Variants in DBN1 observed in about 807,000 individuals in gnomAD.
DBN1 encodes the protein drebrin.
DBN1 carries 21 observed loss-of-function variants against 83.5 expected under a neutral mutation model. That is an observed-to-expected ratio of 0.25 (90% CI 0.18 to 0.36). DBN1 has a LOEUF of 0.36. DBN1 is among the 10% of genes least tolerant of loss of function. The pLI is 1.00. For missense variants in DBN1, 874 were observed against 935.7 expected (o/e 0.93, Z 0.86); for synonymous variants, 381 against 384.9 (o/e 0.99, Z 0.12).
chr5:177,458,439 G>A lies in DBN1; in HGVS notation c.1533C>T (p.Ala511=). The part of the protein sequence containing the change: ...TDTATADTTV[A]NNVPPAATSL... ...TGGTGGCGGCGGGGGGTACGTTGTT[G>A]GCAACAGTGGTGTCAGCAGTGGCAG... The change falls in exon 13 of 15, where the codon GCC becomes GCT. Residue 511 remains alanine (A), a synonymous_variant. Coordinates refer to ENST00000393565, the MANE Select transcript of DBN1 (RefSeq NM_001363541.2). The A allele has an allele frequency of 6.2e-7, 1 of 1,614,194 alleles. No homozygotes were observed. Among genetic ancestry groups the A allele is most frequent in the Non-Finnish European group, 8.5e-7 (1 of 1,180,022 alleles).
Position 177,459,179 on chromosome 5 carries a change from C to A in DBN1, c.1183G>T (p.Ala395Ser). The A allele has an allele frequency of 6.2e-7, 1 of 1,610,992 alleles. No homozygotes were observed. The highest frequency in any genetic ancestry group is 8.5e-7 in the Non-Finnish European group (1 of 1,178,826). ...SDSSTASTPV[A>S]EQIERALDEV... is the part of the protein sequence containing the mutation. ...TCCAGGGCCCGCTCTATCTGCTCAG[C>A]GACAGGGGTGGAGGCGGTGCTGGAG... Residue 395 changes from alanine (A) to serine (S), a missense_variant, in exon 12 of 15, where the codon GCT becomes TCT. Transcript: ENST00000393565.
In DBN1 at chr5:177,457,230, C is replaced by T. The variant is rs1756565323; in HGVS notation, c.*203G>A. 3.4e-6 allele frequency: 2 copies of T among 593,928 alleles called. No homozygotes were observed. Among genetic ancestry groups the T allele is most frequent in the Non-Finnish European group, 6.0e-6 (2 of 332,746 alleles). 36.8% of individuals were successfully genotyped at this position (593,928 alleles called of 1,614,324 possible). ...AGGAAAGCCAGTCAACTGTACAAGT[C>T]TCCTATCAACTTTTTAAAAAAAGAG... On this transcript the variant is annotated 3_prime_UTR_variant, in exon 15 of 15. Coordinates refer to ENST00000393565, the MANE Select transcript of DBN1 (RefSeq NM_001363541.2).
chr5:177,469,440 G>C (rs904641996), intron 1 of DBN1, among the ~76,000 whole-genome samples: 4 of 152,138 alleles, frequency 2.6e-5, no homozygotes, highest in Non-Finnish European at 5.9e-5. Flanking sequence ...CATTCTCCTT[G>C]AACACAAAGG....
Position 177,458,431 on chromosome 5 carries a change from A to T in DBN1, c.1541T>A (p.Val514Glu). ...ATADTTVANNVPPAATSLIDL... is the reference protein window; with the variant it reads ...ATADTTVANNEPPAATSLIDL... ...AATGAGGCTGGTGGCGGCGGGGGGTACGTTGTTGGCAACAGTGGTGTCAGC... is the reference window on the plus strand; with the variant it reads ...AATGAGGCTGGTGGCGGCGGGGGGTTCGTTGTTGGCAACAGTGGTGTCAGC... Residue 514 changes from valine (V) to glutamate (E), a missense_variant, in exon 13 of 15, where the codon GTA (valine) becomes GAA (glutamate). By Grantham distance (121) the Val-to-Glu change is moderately radical. Coordinates refer to ENST00000393565, the MANE Select transcript of DBN1 (RefSeq NM_001363541.2). The T allele has an allele frequency of 6.2e-7, 1 of 1,614,142 alleles. No individual in the cohort carries two copies. The highest frequency in any genetic ancestry group is 1.1e-5 in the South Asian group (1 of 91,082).
intron 8 of DBN1, chr5:177,462,486 A>T (rs1005647000): frequency 4.9e-5 from 38 of 779,566 alleles, no homozygotes; most frequent in Non-Finnish European, 5.9e-5. Context: ...TTCCACCACG[A>T]TGACACCACA....
chr5:177,468,983 G>A, intron 1 of DBN1, 84 bp from the exon 2 acceptor site: 2 of 794,540 alleles, frequency 2.5e-6, no homozygotes, highest in Admixed American at 3.1e-5. Flanking sequence ...GAGGGAGAGG[G>A]ACATGGAGTG....
chr5:177,465,912 C>T (rs1198354720), intron 8 of DBN1, among the ~76,000 whole-genome samples: 1 of 151,354 alleles, frequency 6.6e-6, no homozygotes, highest in Non-Finnish European at 1.5e-5. Context: ...TTACCCAGCT[C>T]GTTCTCCACC....
chr5:177,472,043 C>G, intron 1 of DBN1: 1 of 1,500,954 alleles, frequency 6.7e-7, no homozygotes, highest in Admixed American at 2.4e-5. Context: ...ATGATCTCAG[C>G]CCCCCTGGGG....
At chr5:177,462,442 T>C in intron 8 of DBN1, 1 of 982,932 alleles carries the variant, frequency 1.0e-6, no homozygotes, top group Non-Finnish European at 1.2e-6. Context: ...TTCAGGTCAT[T>C]TCCTCCTCTG....
chr5:177,458,740 C>T (rs747913854), intron 12 of DBN1, 33 bp from the exon 13 acceptor site: 200 of 1,463,276 alleles, frequency 1.4e-4, no homozygotes, highest in Non-Finnish European at 1.7e-4. Flanking sequence ...GATATGTAAC[C>T]GGCTCCCCTC....
At chr5:177,472,919 C>G in intron 1 of DBN1, 1 of 804,702 alleles carries the variant, frequency 1.2e-6, no homozygotes, top group Non-Finnish European at 1.5e-6. Context: ...GCGGGGCGCC[C>G]GGCCCCCAGC....
chr5:177,460,724 G>A, intron 8 of DBN1, 21 bp from the exon 9 acceptor site: 1 of 1,612,770 alleles, frequency 6.2e-7, no homozygotes. Flanking sequence ...AAGGGACAGT[G>A]TCTGGTGCAC....
intron 8 of DBN1, chr5:177,462,296 C>T: frequency 3.0e-6 from 3 of 985,562 alleles, no homozygotes; most frequent in Non-Finnish European, 3.6e-6. Flanking sequence ...CACACCCGTT[C>T]CCACCTCCAA....
intron 14 of DBN1, 43 bp downstream of exon 14, chr5:177,457,612 C>G: frequency 6.5e-7 from 1 of 1,528,240 alleles, no homozygotes. Context: ...TCAAATCCAG[C>G]CCCCGCACCC....
chr5:177,459,146 T>A lies in DBN1; in HGVS notation c.1216A>T (p.Thr406Ser), dbSNP rs1043385874. The change falls in exon 12 of 15, where the codon ACC becomes TCC. Residue 406 changes from threonine (T) to serine (S), a missense_variant. By Grantham distance (58) the Thr-to-Ser change is moderately conservative. Around this residue, in one of 4 missense-constraint regions of DBN1, gnomAD observed 725 missense variants for 719.7 expected, o/e 1.01. Coordinates refer to ENST00000393565, the MANE Select transcript of DBN1 (RefSeq NM_001363541.2). Reference sequence around the variant, plus strand: ...GGCAGTGGTGGAGGCTGCGAGGAGGTGACCTCATCCAGGGCCCGCTCTATC... The same window carrying A: ...GGCAGTGGTGGAGGCTGCGAGGAGGAGACCTCATCCAGGGCCCGCTCTATC... ...EQIERALDEV[T>S]SSQPPPLPPP... 1.2e-6 allele frequency: 2 copies of A among 1,610,380 alleles called. No individual in the cohort carries two copies. The highest frequency in any genetic ancestry group is 1.7e-6 in the Non-Finnish European group (2 of 1,178,454).
Position 177,466,889 on chromosome 5 carries a change from C to T in DBN1, c.707+22G>A, listed in dbSNP as rs377420272. ...AGGGTGCGCCCGGGGGCCCCTGGAG[C>T]GCTCCGGGCGGGCAGGCTCACCTGT... On this transcript the variant is annotated intron_variant, in intron 7 of 14. Coordinates refer to ENST00000393565, the MANE Select transcript of DBN1 (RefSeq NM_001363541.2). The surrounding 1 kb of genome is among the most constrained non-coding windows in gnomAD (Gnocchi z 4.8). 54 of 1,613,464 alleles carry T rather than the reference C, an allele frequency of 3.3e-5. No individual in the cohort carries two copies. Among genetic ancestry groups the T allele is most frequent in the Admixed American group, 2.7e-4 (16 of 60,008 alleles).
At position 177,464,648 on chromosome 5, in the gene DBN1, A is replaced by C. The variant is rs551257684; in HGVS notation, c.771+2124T>G. Among the ~76,000 whole-genome samples, 130 of 149,888 alleles carry C rather than the reference A, an allele frequency of 8.7e-4. 1 individual carries two copies. Among genetic ancestry groups the C allele is most frequent in the Middle Eastern group, 7.0e-3 (2 of 284 alleles). ...AAATAAATAAATAAATAAATAAATA[A>C]TAAACTTTATCTGCTGGGTGCGGTG... On this transcript the variant is annotated intron_variant, in intron 8 of 14. Coordinates refer to ENST00000393565, the MANE Select transcript of DBN1 (RefSeq NM_001363541.2).
In DBN1 at chr5:177,473,469, T is replaced by C; in HGVS notation, c.53A>G (p.Glu18Gly). Residue 18 changes from glutamate to glycine, a missense_variant, in exon 1 of 15, where the codon GAG becomes GGG. By Grantham distance (98) the Glu-to-Gly change is moderately conservative. Around this residue, in one of 4 missense-constraint regions of DBN1, gnomAD observed 82 missense variants for 101.7 expected, o/e 0.81. Transcript: ENST00000393565. ...CGCGCTCTCCTCTCGGATCACCTCC[T>C]CGTAAGCCGCCAGCAGCTCCAGGCG... is the stretch of plus-strand genomic sequence containing the variant. ...GHRLELLAAY[E>G]EVIREESAAD... The C allele has an allele frequency of 7.0e-7, 1 of 1,432,778 alleles. No individual in the cohort carries two copies. Among genetic ancestry groups the C allele is most frequent in the Non-Finnish European group, 9.2e-7 (1 of 1,086,500 alleles). 88.8% of individuals were successfully genotyped at this position (1,432,778 alleles called of 1,614,324 possible). A position where few individuals can be genotyped will look rare whatever the true frequency, so the allele number is the denominator to read the frequency against.
At chr5:177,468,009 A>C (rs1561687406) in intron 3 of DBN1, 99 bp downstream of exon 3, 3 of 649,228 alleles carry the variant, frequency 4.6e-6, no homozygotes, top group Middle Eastern at 4.8e-4. Context: ...GTTGATGAGC[A>C]GCTCTGGGCC....
Sources: gnomAD v4.1 joint callset for allele counts (sites outside exome capture counted in the v4.1 genomes callset) on GRCh38, gnomAD v4.1.1 for gene constraint, gnomAD v4.1.1 regional missense constraint, Gnocchi (gnomAD v3.1) non-coding constraint, MANE v1.5 for transcripts, NCBI Gene and HGNC (gene_info 2026-07-23, HGNC 2026-07-21) for gene names.